Variants in AVIL observed in about 807,000 individuals in gnomAD.
AVIL encodes advillin.
Under a neutral mutation model 109.9 loss-of-function variants are expected in AVIL, and 78 were observed. The ratio of observed to expected loss-of-function variants is 0.71; its 90% CI spans 0.59 to 0.86. The LOEUF is 0.86. Ranked by LOEUF, AVIL falls within the 40% of genes least tolerant of loss-of-function variation. The pLI is 0.00. For synonymous variants in AVIL, 367 were observed against 379.1 expected (o/e 0.97, Z 0.37); for missense variants, 892 against 1,016.5 (o/e 0.88, Z 1.67).
chr12:57,810,549 A>C lies in AVIL; in HGVS notation c.561T>G (p.Ala187=), dbSNP rs772955535. Residue 187 remains alanine (A), a splice_region_variant and synonymous_variant, in exon 7 of 20, where the codon GCT becomes GCG. Transcript: ENST00000549994. ...PESNSGERLK[A]MLLAKDIRDR... The stretch of plus-strand genomic sequence containing the variant: ...CTCGAATATCCTTTGCCAGAAGCAT[A>C]GCCTGTCAAAGAAGCCCAAGGAAGC... 1.9e-6 allele frequency: 3 copies of C among 1,613,020 alleles called. No individual in the cohort carries two copies. The highest frequency in any genetic ancestry group is 2.5e-6 in the Non-Finnish European group (3 of 1,180,016).
chr12:57,813,283 T>C lies in AVIL; in HGVS notation c.282A>G (p.Arg94=). The C allele has an allele frequency of 6.2e-7, 1 of 1,614,102 alleles. No homozygotes were observed. Among genetic ancestry groups the C allele is most frequent in the South Asian group, 1.1e-5 (1 of 91,080 alleles). ...DYLGGSPVQH[R]EVQYHESDTF... is the part of the protein sequence containing the mutation. ...TGTCTGACTCATGGTACTGGACCTCTCGGTGCTGCACAGGGCTGCCTCCCA... is the reference window on the plus strand; with the variant it reads ...TGTCTGACTCATGGTACTGGACCTCCCGGTGCTGCACAGGGCTGCCTCCCA... Residue 94 remains arginine, a synonymous_variant, in exon 4 of 20, where the codon CGA becomes CGG. Coordinates refer to ENST00000549994, the MANE Select transcript of AVIL (RefSeq NM_006576.4).
At position 57,808,196 on chromosome 12, in the gene AVIL, C is replaced by A; in HGVS notation, c.1192G>T (p.Glu398Ter). 6.2e-7 allele frequency: 1 copy of A among 1,614,168 alleles called. No homozygotes were observed. Among genetic ancestry groups the A allele is most frequent in the Non-Finnish European group, 8.5e-7 (1 of 1,179,986 alleles). ...RMVDDGNGKVEVWRIENLELV... is the reference protein window; with the variant it reads ...RMVDDGNGKV ...GACATTTGAATCATTGGGCTTACCT[C>A]AACTTTTCCGTTGCCATCATCGACC... Residue 398 changes from glutamate (E) to a stop codon, truncating the protein, a stop_gained and splice_region_variant, in exon 11 of 20, where the codon GAG becomes TAG. Transcript: ENST00000549994. LOFTEE classifies it high-confidence loss of function.
chr12:57,798,035 T>C, intron 19 of AVIL, 40 bp from the exon 20 acceptor site: 1 of 1,469,948 alleles, frequency 6.8e-7, no homozygotes, highest in Non-Finnish European at 9.3e-7. Context: ...AAGGAAGACA[T>C]GACATCATTG....
Position 57,814,175 on chromosome 12 carries a change from C to T in AVIL, c.118G>A (p.Gly40Arg), listed in dbSNP as rs1956073225. The T allele has an allele frequency of 6.2e-7, 1 of 1,613,210 alleles. No individual in the cohort carries two copies. The highest frequency in any genetic ancestry group is 1.1e-5 in the South Asian group (1 of 90,922). Residue 40 changes from glycine (G) to arginine (R), a missense_variant, in exon 3 of 20, where the codon GGG becomes AGG. Coordinates refer to ENST00000549994, the MANE Select transcript of AVIL (RefSeq NM_006576.4). ...PVSAHGNFYEGDCYVILSTRR... is the reference protein window; with the variant it reads ...PVSAHGNFYERDCYVILSTRR... ...ACCGAGAGGATGACGTAGCAGTCCC[C>T]CTCATAGAAGTTGCCGTGGGCGCTC...
rs66731427 is a variant in AVIL at position 57,818,182 on chromosome 12, C to CTTTTTTTTTTT, written c.-20+436_-20+446dup. The stretch of plus-strand genomic sequence containing the variant: ...CACAGGTGTGCACCACCATGCTTGG[C>CTTTTTTTTTTT]TTTTTTTTTTTTTTTTTTTTTTTTT... On this transcript the variant is annotated intron_variant, in intron 1 of 19. Coordinates refer to ENST00000549994, the MANE Select transcript of AVIL (RefSeq NM_006576.4). Among the ~76,000 whole-genome samples, 98 of 35,272 alleles carry CTTTTTTTTTTT rather than the reference C, an allele frequency of 2.8e-3. 24 individuals carry two copies. The highest frequency in any genetic ancestry group is 7.1e-3 in the East Asian group (4 of 560). The allele number at this position is 35,272 out of a possible 152,430, so 23.1% of individuals were successfully genotyped here. A position where few individuals can be genotyped will look rare whatever the true frequency, so the allele number is the denominator to read the frequency against.
At position 57,806,459 on chromosome 12, in the gene AVIL, G is replaced by A. The variant is rs771588357; in HGVS notation, c.1572C>T (p.Asn524=). 8.7e-6 allele frequency: 14 copies of A among 1,614,008 alleles called. No individual in the cohort carries two copies. In the Admixed American group the frequency reaches 2.2e-4, roughly 25 times the overall value. Residue 524 remains asparagine, a synonymous_variant, in exon 14 of 20, where the codon AAC becomes AAT. Coordinates refer to ENST00000549994, the MANE Select transcript of AVIL (RefSeq NM_006576.4). ...AGGCTGGAACTTCCACTGCTTTGGT[G>A]TTAGATTTGTCATTTCCATGAATTT... The part of the protein sequence containing the change: ...LFQIHGNDKS[N]TKAVEVPAFA...
intron 17 of AVIL, among the ~76,000 whole-genome samples, chr12:57,801,921 T>C (rs537918826): frequency 2.0e-5 from 3 of 152,344 alleles, no homozygotes; most frequent in African/African-American, 4.8e-5. Context: ...GGATATACTT[T>C]ATAAACTGTT....
Position 57,813,425 on chromosome 12 carries a change from T to G in AVIL, c.142-2A>C. ...TAGGAGACTGGCCACTCTCCGGGTC[T>G]GGGAGGTAGTCAGAGAGATCAGGTC... is the stretch of plus-strand genomic sequence containing the variant. On this transcript the variant is annotated splice_acceptor_variant, in intron 3 of 19. Coordinates refer to ENST00000549994, the MANE Select transcript of AVIL (RefSeq NM_006576.4). LOFTEE classifies it high-confidence loss of function. The G allele has an allele frequency of 6.2e-7, 1 of 1,612,786 alleles. No individual in the cohort carries two copies. The highest frequency in any genetic ancestry group is 8.5e-7 in the Non-Finnish European group (1 of 1,179,448).
intron 1 of AVIL, among the ~76,000 whole-genome samples, chr12:57,818,182 C>CTTTGTTTTTTTTTTTTTT (rs1956120034): frequency 2.8e-5 from 1 of 35,256 alleles, no homozygotes; most frequent in Non-Finnish European, 5.3e-5. Flanking sequence ...CCATGCTTGG[C>CTTTGTTTTTTTTTTTTTT]TTTTTTTTTT....
intron 14 of AVIL, chr12:57,804,341 T>C (rs1955908462): frequency 6.6e-6 from 1 of 152,234 alleles, no homozygotes. Flanking sequence ...TATTCCATCA[T>C]GTGGATGTAC....
chr12:57,809,460 G>T, intron 9 of AVIL, 137 bp downstream of exon 9: 1 of 975,580 alleles, frequency 1.0e-6, no homozygotes, highest in Non-Finnish European at 1.5e-6. Context: ...ATCCCAGTTT[G>T]TCTGCCTGAC....
intron 2 of AVIL, chr12:57,815,709 A>G: frequency 7.2e-7 from 1 of 1,389,044 alleles, no homozygotes; most frequent in South Asian, 1.4e-5. Context: ...GTGCAGACTC[A>G]CTGAGCAGGT....
chr12:57,798,175 A>G (rs1955773981), intron 19 of AVIL, among the ~76,000 whole-genome samples, 180 bp from the exon 20 acceptor site: 1 of 152,236 alleles, frequency 6.6e-6, no homozygotes, highest in African/African-American at 2.4e-5. Flanking sequence ...TCTTCAGGTC[A>G]GGGAGTCCCA....
intron 18 of AVIL, 85 bp from the exon 19 acceptor site, chr12:57,800,005 A>G: frequency 5.3e-6 from 8 of 1,517,266 alleles, no homozygotes; most frequent in Non-Finnish European, 7.2e-6. Flanking sequence ...AATATTTAAC[A>G]TTTTGACTTA....
At chr12:57,805,767 C>T (rs537533031) in intron 14 of AVIL, 2 of 151,736 alleles carry the variant, frequency 1.3e-5, no homozygotes, top group South Asian at 4.2e-4. Context: ...GTTCTCCTGA[C>T]CTTGTGATCC....
Position 57,808,082 on chromosome 12 carries a change from G to A in AVIL, c.1194+112C>T, listed in dbSNP as rs1030076815. On this transcript the variant is annotated intron_variant, in intron 11 of 19. Coordinates refer to ENST00000549994, the MANE Select transcript of AVIL (RefSeq NM_006576.4). ...TCTTAAAGAAGACTCCTGAGGTGCC[G>A]GAGGGGAAAGGGAAAGCAAAGCAGA... 10 of 1,258,964 alleles carry A rather than the reference G, an allele frequency of 7.9e-6. No individual in the cohort carries two copies. The African/African-American group carries it at 8.9e-5, about 11-fold the overall frequency. The allele number at this position is 1,258,964 out of a possible 1,614,324, so 78.0% of individuals were successfully genotyped here.
Position 57,806,345 on chromosome 12 carries a change from G to T in AVIL, c.1671+15C>A. The T allele has an allele frequency of 6.2e-7, 1 of 1,613,802 alleles. No homozygotes were observed. The highest frequency in any genetic ancestry group is 8.5e-7 in the Non-Finnish European group (1 of 1,179,912). On this transcript the variant is annotated intron_variant, in intron 14 of 19. Transcript: ENST00000549994. ...CTCCGAGGGGCTGGTCTGACCCGGG[G>T]CCCAGCCATCCTACCTTGCCATACC...
At chr12:57,802,728 A>G in intron 16 of AVIL, 1 of 602,906 alleles carries the variant, frequency 1.7e-6, no homozygotes, top group East Asian at 2.8e-5. Flanking sequence ...GTATCTATCT[A>G]GTCACCTAAG....
intron 11 of AVIL, 152 bp downstream of exon 11, chr12:57,808,042 A>T: frequency 2.2e-6 from 2 of 923,660 alleles, no homozygotes; most frequent in Non-Finnish European, 3.5e-6. Flanking sequence ...TGAAAACTCT[A>T]CAGACTCACA....
Sources: gnomAD v4.1 joint callset for allele counts (sites outside exome capture counted in the v4.1 genomes callset) on GRCh38, gnomAD v4.1.1 for gene constraint, MANE v1.5 for transcripts, NCBI Gene and HGNC (gene_info 2026-07-23, HGNC 2026-07-21) for gene names.